The following GRM5 variants were observed in gnomAD, a reference collection of about 807,000 sequenced individuals.
GRM5 encodes the protein metabotropic glutamate receptor 5.
In GRM5, 19 loss-of-function variants were observed where a neutral mutation model predicts 83.1. That is an observed-to-expected ratio of 0.23 (90% CI 0.16 to 0.34). The LOEUF (loss-of-function observed/expected upper bound fraction) is 0.34, where lower values mean the gene tolerates loss of function less well. Ranked by LOEUF, GRM5 falls within the 10% of genes least tolerant of loss-of-function variation. GRM5 has a pLI of 1.00. For synonymous variants in GRM5, 675 were observed against 633.6 expected (o/e 1.07, Z -0.98); for missense variants, 1,160 against 1,588.3 (o/e 0.73, Z 4.58).
At chr11:88,972,198 G>A (rs2135006235) in intron 2 of GRM5, among the ~76,000 whole-genome samples, 1 of 152,158 alleles carries the variant, frequency 6.6e-6, no homozygotes, top group Non-Finnish European at 1.5e-5. Context: ...TCCCCAACCA[G>A]AGACATGCCA....
chr11:88,869,038 T>G (rs1305864481), intron 2 of GRM5, among the ~76,000 whole-genome samples: 3 of 151,710 alleles, frequency 2.0e-5, no homozygotes, highest in Non-Finnish European at 4.4e-5. Context: ...AATCATACCT[T>G]TGAGATACCA....
At chr11:88,719,736 T>G (rs1205804348) in intron 3 of GRM5, among the ~76,000 whole-genome samples, 1 of 152,000 alleles carries the variant, frequency 6.6e-6, no homozygotes, top group Non-Finnish European at 1.5e-5. Flanking sequence ...TATTGGCTCT[T>G]GACTTTAATA....
intron 3 of GRM5, among the ~76,000 whole-genome samples, chr11:88,823,220 T>G (rs571544696): frequency 1.3e-3 from 190 of 151,374 alleles, no homozygotes; most frequent in Non-Finnish European, 2.0e-3. Context: ...AAGACCTTAT[T>G]ATATTCCTTT....
intron 7 of GRM5, among the ~76,000 whole-genome samples, chr11:88,582,220 T>A (rs1943225657): frequency 6.6e-6 from 1 of 152,240 alleles, no homozygotes; most frequent in Admixed American, 6.5e-5. Flanking sequence ...CACCATTGTG[T>A]GCCCAATACT....
chr11:89,057,920 T>C (rs888577958), intron 1 of GRM5, among the ~76,000 whole-genome samples: 1 of 152,162 alleles, frequency 6.6e-6, no homozygotes, highest in African/African-American at 2.4e-5. Flanking sequence ...GTAAGGTAGG[T>C]ATAATTACTA....
At chr11:88,649,296 A>T (rs1223507031) in intron 4 of GRM5, among the ~76,000 whole-genome samples, 2 of 135,398 alleles carry the variant, frequency 1.5e-5, no homozygotes, top group Admixed American at 7.9e-5. Flanking sequence ...TAATACATAT[A>T]TATTATACAT....
At chr11:89,062,743 C>T (rs1034461293) in intron 1 of GRM5, among the ~76,000 whole-genome samples, 20 of 152,222 alleles carry the variant, frequency 1.3e-4, no homozygotes, top group African/African-American at 4.6e-4. Flanking sequence ...TGAAAGAGCC[C>T]TCCAGGTGGA....
intron 3 of GRM5, among the ~76,000 whole-genome samples, chr11:88,812,927 T>C (rs182792390): frequency 6.6e-6 from 1 of 152,314 alleles, no homozygotes; most frequent in Admixed American, 6.5e-5. Flanking sequence ...TCTCTGTCTA[T>C]GCTTGTTTCA....
chr11:88,802,473 C>A (rs1286378553), intron 3 of GRM5, among the ~76,000 whole-genome samples: 3 of 109,188 alleles, frequency 2.7e-5, no homozygotes, highest in Non-Finnish European at 4.9e-5. Flanking sequence ...AGGCGTTTGA[C>A]AAAATTCAAC....
chr11:88,850,216 A>G (rs934346184), intron 2 of GRM5, 61 bp from the exon 3 acceptor site: 25 of 716,728 alleles, frequency 3.5e-5, no homozygotes, highest in Admixed American at 4.2e-5. Context: ...TTAATTGGGT[A>G]TAATCAGAAT....
chr11:88,814,559 G>A (rs1453964433), intron 3 of GRM5, among the ~76,000 whole-genome samples: 4 of 152,208 alleles, frequency 2.6e-5, no homozygotes, highest in South Asian at 2.1e-4. Context: ...CCTCTGCAGT[G>A]GAGAATATTT....
rs1229536169 is a variant in GRM5, at chr11:89,047,904, G to C, written c.-32C>G. 1 of 1,562,072 alleles carries C rather than the reference G, an allele frequency of 6.4e-7. No individual in the cohort carries two copies. The highest frequency in any genetic ancestry group is 1.4e-5 in the African/African-American group (1 of 74,048). ...AAAGGAGTTCAAGCCAATAAAGATA[G>C]CATGGTGGGGAAAATTCAGGAGGGT... On this transcript the variant is annotated 5_prime_UTR_variant, in exon 2 of 10. Coordinates refer to ENST00000305447, the MANE Select transcript of GRM5 (RefSeq NM_001143831.3). This position sits in a 1 kb window ranked among gnomAD's most constrained non-coding sequence, Gnocchi z 5.1.
intron 1 of GRM5, chr11:89,063,597 A>T (rs1315397866): frequency 6.6e-6 from 1 of 152,280 alleles, no homozygotes; most frequent in Non-Finnish European, 1.5e-5. Context: ...TTCCCCCCCA[A>T]GATGATCTCA....
chr11:88,667,830 C>G (rs1210162634), intron 3 of GRM5, among the ~76,000 whole-genome samples: 1 of 151,600 alleles, frequency 6.6e-6, no homozygotes, highest in Admixed American at 6.6e-5. Context: ...TAGGCGGATG[C>G]TGCAGTGAGC....
intron 3 of GRM5, among the ~76,000 whole-genome samples, chr11:88,653,936 T>C (rs1939701617): frequency 6.6e-6 from 1 of 152,106 alleles, no homozygotes; most frequent in African/African-American, 2.4e-5. Flanking sequence ...TTGCCGATTA[T>C]GGTTACTCTA....
At chr11:88,521,724 AG>A (rs1565322547) in intron 9 of GRM5, among the ~76,000 whole-genome samples, 1 of 152,154 alleles carries the variant, frequency 6.6e-6, no homozygotes, top group Admixed American at 6.5e-5. Context: ...TTAAAAAAAA[AG>A]CCTCTTCACA....
chr11:88,760,166 G>T (rs960522257), intron 3 of GRM5, among the ~76,000 whole-genome samples: 1 of 152,044 alleles, frequency 6.6e-6, no homozygotes, highest in African/African-American at 2.4e-5. Context: ...AAAATAACTA[G>T]AGAATCAACA....
intron 2 of GRM5, among the ~76,000 whole-genome samples, chr11:89,021,777 C>T (rs1293484643): frequency 2.0e-5 from 3 of 152,144 alleles, no homozygotes; most frequent in Non-Finnish European, 4.4e-5. Flanking sequence ...CTCAGTTTGT[C>T]TATGATGGGG....
At chr11:89,030,173 A>G (rs548747340) in intron 2 of GRM5, among the ~76,000 whole-genome samples, 1 of 152,268 alleles carries the variant, frequency 6.6e-6, no homozygotes, top group East Asian at 1.9e-4. Flanking sequence ...ACCCTAATGT[A>G]CTTCCTAAAT....
Sources: gnomAD v4.1 joint callset for allele counts (sites outside exome capture counted in the v4.1 genomes callset) on GRCh38, gnomAD v4.1.1 for gene constraint, Gnocchi (gnomAD v3.1) non-coding constraint, MANE v1.5 for transcripts, NCBI Gene and HGNC (gene_info 2026-07-23, HGNC 2026-07-21) for gene names.